GPC5: variants seen among roughly 807,000 people sequenced by gnomAD.
The protein encoded by GPC5 is glypican-5.
GPC5 carries 47 observed loss-of-function variants against 53.9 expected under a neutral mutation model. The ratio of observed to expected loss-of-function variants is 0.87; its 90% CI spans 0.69 to 1.11. The LOEUF is 1.11. GPC5 is among the 50% of genes most tolerant of loss of function. GPC5 has a pLI of 0.00. For synonymous variants in GPC5, 286 were observed against 263.3 expected (o/e 1.09, Z -0.84); for missense variants, 748 against 713.1 (o/e 1.05, Z -0.56).
At chr13:91,926,264 G>A (rs2039766503) in intron 6 of GPC5, among the ~76,000 whole-genome samples, 1 of 151,436 alleles carries the variant, frequency 6.6e-6, no homozygotes, top group South Asian at 2.1e-4. Context: ...GGGAGGCTGA[G>A]GCAGGAGAAT....
At chr13:92,241,004 A>G (rs2042608092) in intron 7 of GPC5, 1 of 152,212 alleles carries the variant, frequency 6.6e-6, no homozygotes, top group Non-Finnish European at 1.5e-5. Flanking sequence ...TTCTTAATGC[A>G]TAAAACTCAG....
intron 5 of GPC5, among the ~76,000 whole-genome samples, chr13:91,848,140 A>G (rs1385423269): frequency 6.6e-6 from 1 of 152,208 alleles, no homozygotes; most frequent in East Asian, 1.9e-4. Context: ...AATTGGAACT[A>G]ATTTCGGACC....
In GPC5 at chr13:91,766,474, GC is replaced by G. The variant is rs1440868621; in HGVS notation, c.1280+10055del. 2.0e-5 allele frequency among the ~76,000 whole-genome samples: 3 copies of G among 152,336 alleles called. No homozygotes were observed. In the East Asian group the frequency reaches 5.8e-4, roughly 29 times the overall value. ...GGTTAGGAACAGGTTCAGGAGCCAT[GC>G]TACTAAGGTTGTCAATAAAGATTAA... is the stretch of plus-strand genomic sequence containing the variant. On this transcript the variant is annotated intron_variant, in intron 5 of 7. Transcript: ENST00000377067.
chr13:91,850,747 A>G (rs1037343080), intron 5 of GPC5, among the ~76,000 whole-genome samples: 2 of 152,022 alleles, frequency 1.3e-5, no homozygotes, highest in African/African-American at 2.4e-5. Context: ...TTTGTTAGAT[A>G]TGTCTCTACA....
intron 7 of GPC5, among the ~76,000 whole-genome samples, chr13:92,844,873 A>C (rs1594545314): frequency 6.6e-6 from 1 of 152,278 alleles, no homozygotes. Flanking sequence ...GAGTTGAGGA[A>C]GCTTATCTCT....
At chr13:92,837,729 G>A (rs1878265942) in intron 7 of GPC5, among the ~76,000 whole-genome samples, 2 of 152,102 alleles carry the variant, frequency 1.3e-5, no homozygotes. Flanking sequence ...ACCCTGGATG[G>A]TCCGCCAAAC....
intron 7 of GPC5, among the ~76,000 whole-genome samples, chr13:92,734,960 T>C (rs1281794645): frequency 6.6e-6 from 1 of 151,970 alleles, no homozygotes; most frequent in Non-Finnish European, 1.5e-5. Flanking sequence ...GTTATTTTAT[T>C]ATCAATAACA....
intron 7 of GPC5, among the ~76,000 whole-genome samples, chr13:92,280,706 G>A (rs1391033961): frequency 1.3e-5 from 2 of 152,120 alleles, no homozygotes; most frequent in Non-Finnish European, 2.9e-5. Context: ...AAATCATATG[G>A]TTGGTCCCTA....
intron 7 of GPC5, among the ~76,000 whole-genome samples, chr13:92,590,286 C>G (rs942389042): frequency 2.0e-5 from 3 of 152,212 alleles, no homozygotes; most frequent in Middle Eastern, 3.4e-3. Context: ...GGAGGACACA[C>G]CGAGAATGAA....
At position 91,914,175 on chromosome 13, in the gene GPC5, G is replaced by A. The variant is rs192504354; in HGVS notation, c.1401+6118G>A. On this transcript the variant is annotated intron_variant, in intron 6 of 7. Coordinates refer to ENST00000377067, the MANE Select transcript of GPC5 (RefSeq NM_004466.6). ...TCATTTTTCAAAGAAAATAATGTCA[G>A]CAGTTAAAATCCTAACTGCTGAGCA... is the stretch of plus-strand genomic sequence containing the variant. Among the ~76,000 whole-genome samples, 526 of 152,192 alleles carry A rather than the reference G, an allele frequency of 3.5e-3. 3 individuals are homozygous for A. Among genetic ancestry groups the A allele is most frequent in the Non-Finnish European group, 5.2e-3 (355 of 67,998 alleles).
intron 6 of GPC5, among the ~76,000 whole-genome samples, chr13:91,978,456 C>T (rs1254378177): frequency 6.6e-6 from 1 of 152,120 alleles, no homozygotes; most frequent in African/African-American, 2.4e-5. Context: ...AGATTACTAC[C>T]AGTTGTGGTG....
intron 7 of GPC5, among the ~76,000 whole-genome samples, chr13:92,314,762 CTATTTT>C (rs1247261381): frequency 1.3e-5 from 2 of 152,074 alleles, no homozygotes; most frequent in Admixed American, 1.3e-4. Context: ...GAAGAGTGCT[CTATTTT>C]TATTTTTATT....
At chr13:92,757,623 A>G (rs1419928861) in intron 7 of GPC5, among the ~76,000 whole-genome samples, 3 of 152,268 alleles carry the variant, frequency 2.0e-5, no homozygotes, top group Non-Finnish European at 4.4e-5. Context: ...ATGAACTTAA[A>G]CAAATTTACA....
At chr13:91,553,919 AC>A (rs2030794745) in intron 2 of GPC5, among the ~76,000 whole-genome samples, 1 of 152,088 alleles carries the variant, frequency 6.6e-6, no homozygotes, top group Non-Finnish European at 1.5e-5. Context: ...AATAGTCAAG[AC>A]CAGTGATGTT....
At chr13:92,841,972 T>G (rs1028819828) in intron 7 of GPC5, among the ~76,000 whole-genome samples, 1 of 152,136 alleles carries the variant, frequency 6.6e-6, no homozygotes, top group Non-Finnish European at 1.5e-5. Context: ...GGGTTTTTGT[T>G]TCTGATAGGT....
intron 7 of GPC5, among the ~76,000 whole-genome samples, chr13:92,467,726 C>G (rs1015894484): frequency 2.6e-5 from 4 of 152,100 alleles, no homozygotes; most frequent in African/African-American, 9.7e-5. Flanking sequence ...TACACTGCCT[C>G]TCAGTATTGC....
Position 91,978,897 on chromosome 13 carries a change from G to A in GPC5, c.1401+70840G>A, listed in dbSNP as rs1276406995. ...TGGCAGTAGAAATGAAGAGGACTTG[G>A]AAGATTTATGATCCATTTTGAGAAA... On this transcript the variant is annotated intron_variant, in intron 6 of 7. Transcript: ENST00000377067. Among the ~76,000 whole-genome samples, 3 of 152,134 alleles carry A rather than the reference G, an allele frequency of 2.0e-5. No individual in the cohort carries two copies. The East Asian group carries it at 5.8e-4, about 29-fold the overall frequency.
intron 7 of GPC5, among the ~76,000 whole-genome samples, chr13:92,742,941 A>G (rs1889143233): frequency 6.6e-6 from 1 of 151,980 alleles, no homozygotes; most frequent in African/African-American, 2.4e-5. Flanking sequence ...ATTGATCTAT[A>G]TCTCTGTTTT....
chr13:92,448,774 A>G (rs1468963185), intron 7 of GPC5: 1 of 151,292 alleles, frequency 6.6e-6, no homozygotes, highest in Non-Finnish European at 1.5e-5. Context: ...GGAAAACTTT[A>G]AAATTGATAA....
Sources: gnomAD v4.1 joint callset for allele counts (sites outside exome capture counted in the v4.1 genomes callset) on GRCh38, gnomAD v4.1.1 for gene constraint, MANE v1.5 for transcripts, NCBI Gene and HGNC (gene_info 2026-07-23, HGNC 2026-07-21) for gene names.